The following SORCS1 variants were observed in gnomAD, a reference collection of about 807,000 sequenced individuals.
SORCS1 encodes the protein VPS10 domain-containing receptor SorCS1.
A neutral mutation model predicts 146.1 loss-of-function variants in SORCS1; 60 were observed. The ratio of observed to expected loss-of-function variants is 0.41; its 90% CI spans 0.33 to 0.51. SORCS1 has a LOEUF of 0.51. Among genes scored for constraint, SORCS1 ranks in the 20% least tolerant of loss-of-function variants. SORCS1 has a pLI of 0.21. For missense variants in SORCS1, 1,352 were observed against 1,487.6 expected (o/e 0.91, Z 1.50); for synonymous variants, 637 against 584.0 (o/e 1.09, Z -1.31).
chr10:106,907,842 G>A (rs956863917), intron 2 of SORCS1, among the ~76,000 whole-genome samples: 4 of 151,210 alleles, frequency 2.6e-5, no homozygotes, highest in Non-Finnish European at 2.9e-5. Flanking sequence ...CAGGAGAATC[G>A]CTTGAACCTA....
intron 4 of SORCS1, among the ~76,000 whole-genome samples, chr10:106,766,336 GA>G (rs1859572071): frequency 6.6e-6 from 1 of 152,208 alleles, no homozygotes; most frequent in Admixed American, 6.5e-5. Flanking sequence ...TCCACCTTAT[GA>G]CTCTCTGCTT....
chr10:106,850,941 C>T (rs557037051), intron 2 of SORCS1, among the ~76,000 whole-genome samples: 1 of 152,272 alleles, frequency 6.6e-6, no homozygotes, highest in East Asian at 1.9e-4. Context: ...TGCAAAAAAA[C>T]ACAGAAACTT....
At chr10:107,168,899 C>T (rs189984857), upstream of SORCS1, among the ~76,000 whole-genome samples, 4 of 152,094 alleles carry the variant, frequency 2.6e-5, no homozygotes, top group African/African-American at 7.2e-5. Context: ...ATGTGTCAGG[C>T]ACTCTAATTG....
At chr10:107,061,712 T>C (rs2134118634) in intron 1 of SORCS1, among the ~76,000 whole-genome samples, 1 of 152,310 alleles carries the variant, frequency 6.6e-6, no homozygotes, top group South Asian at 2.1e-4. Flanking sequence ...GCTTGCTTTA[T>C]TTCTCACATA....
chr10:106,832,311 C>A (rs1017302661), intron 2 of SORCS1, among the ~76,000 whole-genome samples: 1 of 152,008 alleles, frequency 6.6e-6, no homozygotes, highest in African/African-American at 2.4e-5. Flanking sequence ...GCCTCAGCCT[C>A]CCGAGTAGCT....
chr10:106,604,065 C>T (rs1358120259), intron 23 of SORCS1, among the ~76,000 whole-genome samples: 1 of 152,162 alleles, frequency 6.6e-6, no homozygotes, highest in Non-Finnish European at 1.5e-5. Flanking sequence ...GATAAACTGG[C>T]TAAATAGAAG....
In SORCS1 at chr10:106,573,913, C is replaced by T. The variant is rs896632489; in HGVS notation, c.*3507G>A. On this transcript the variant is annotated 3_prime_UTR_variant, in exon 26 of 26. Coordinates refer to ENST00000263054, the MANE Select transcript of SORCS1 (RefSeq NM_052918.5). ...ATACCTGAGGCAAAGACTTTAGAGA[C>T]ATTATCTGTTTAATAAATATGATTG... The T allele has an allele frequency of 1.3e-5, 2 of 152,140 alleles. No homozygotes were observed. Among genetic ancestry groups the T allele is most frequent in the Non-Finnish European group, 2.9e-5 (2 of 67,960 alleles). 9.4% of individuals were successfully genotyped at this position (152,140 alleles called of 1,614,324 possible).
chr10:106,961,345 T>A (rs1360925159), intron 1 of SORCS1, among the ~76,000 whole-genome samples: 2 of 152,148 alleles, frequency 1.3e-5, no homozygotes, highest in Non-Finnish European at 2.9e-5. Context: ...GAAGTGAAAC[T>A]CCAAACATTT....
rs1259225604 is a variant in SORCS1, at chr10:107,163,862, C to T, written c.558+107G>A. On this transcript the variant is annotated intron_variant, in intron 1 of 25. Transcript: ENST00000263054. ...GGGCAGAGACCAGTTTGCAGCATCT[C>T]CCATGTCCAGAAACCCTATTTCCCC... is the stretch of plus-strand genomic sequence containing the variant. 8 of 1,299,542 alleles carry T rather than the reference C, an allele frequency of 6.2e-6. No homozygotes were observed. The East Asian group carries it at 1.7e-4, about 28-fold the overall frequency. The allele number at this position is 1,299,542 out of a possible 1,614,324, so 80.5% of individuals were successfully genotyped here.
At chr10:107,170,123 AT>A in the SORCS1 span, among the ~76,000 whole-genome samples, 2 of 152,176 alleles carry the variant, frequency 1.3e-5, no homozygotes, top group African/African-American at 4.8e-5. Flanking sequence ...ATGCATTAAC[AT>A]AACTTTATTA....
intron 1 of SORCS1, among the ~76,000 whole-genome samples, chr10:106,974,623 A>G (rs1465640933): frequency 1.3e-5 from 2 of 152,176 alleles, no homozygotes; most frequent in Non-Finnish European, 2.9e-5. Context: ...CAGAAACCAA[A>G]ACCAGATTCA....
chr10:106,774,426 AGTGTGTGT>A (rs3045083), intron 4 of SORCS1, among the ~76,000 whole-genome samples: 1 of 147,620 alleles, frequency 6.8e-6, no homozygotes, highest in Admixed American at 6.8e-5. Flanking sequence ...TAGGTTCCAA[AGTGTGTGT>A]GTGTGTGTGT....
intron 3 of SORCS1, among the ~76,000 whole-genome samples, chr10:106,798,268 C>A (rs1946681921): frequency 6.6e-6 from 1 of 152,212 alleles, no homozygotes; most frequent in African/African-American, 2.4e-5. Flanking sequence ...CATTAAACCT[C>A]TTTCTTTTGT....
intron 2 of SORCS1, among the ~76,000 whole-genome samples, chr10:106,925,898 A>G (rs1336835160): frequency 6.6e-6 from 1 of 152,244 alleles, no homozygotes; most frequent in Non-Finnish European, 1.5e-5. Context: ...TGGGCTCTCT[A>G]AAACAGTTCT....
chr10:106,876,178 T>A (rs1283300504), intron 2 of SORCS1, among the ~76,000 whole-genome samples: 1 of 152,226 alleles, frequency 6.6e-6, no homozygotes, highest in Non-Finnish European at 1.5e-5. Flanking sequence ...TGGTTAAAGA[T>A]ACACTGTAAG....
At chr10:106,852,032 C>A (rs1048302619) in intron 2 of SORCS1, among the ~76,000 whole-genome samples, 2 of 151,952 alleles carry the variant, frequency 1.3e-5, no homozygotes, top group African/African-American at 4.8e-5. Flanking sequence ...TGTATATTAA[C>A]CTTATATTGT....
chr10:106,944,640 A>G (rs1359857006), intron 2 of SORCS1, among the ~76,000 whole-genome samples: 1 of 152,186 alleles, frequency 6.6e-6, no homozygotes, highest in Non-Finnish European at 1.5e-5. Context: ...CTATGTATGT[A>G]CGTATTTATA....
chr10:107,136,577 C>T (rs924368743), intron 1 of SORCS1, among the ~76,000 whole-genome samples: 2 of 152,160 alleles, frequency 1.3e-5, no homozygotes, highest in South Asian at 2.1e-4. Flanking sequence ...AGTGAGAGGC[C>T]GAATTAACAA....
chr10:106,964,112 A>T (rs1378940009), intron 1 of SORCS1, among the ~76,000 whole-genome samples: 1 of 152,228 alleles, frequency 6.6e-6, no homozygotes, highest in Admixed American at 6.5e-5. Context: ...GAAAGCTCAG[A>T]GAGCATTAAG....
Sources: allele counts gnomAD v4.1 joint callset (sites outside exome capture counted in the v4.1 genomes callset), GRCh38; gene constraint gnomAD v4.1.1; transcripts MANE v1.5; gene names NCBI Gene and HGNC (gene_info 2026-07-23, HGNC 2026-07-21).